DPP6: variants seen among roughly 807,000 people sequenced by gnomAD.
The protein encoded by DPP6 is A-type potassium channel modulatory protein DPP6.
A neutral mutation model predicts 122.6 loss-of-function variants in DPP6; 69 were observed. The observed-to-expected ratio is 0.56, with a 90% CI of 0.46 to 0.69. DPP6 has a LOEUF of 0.69. Ranked by LOEUF, DPP6 falls within the 30% of genes least tolerant of loss-of-function variation. The pLI, the probability that DPP6 is intolerant of heterozygous loss-of-function variation, is 0.00. For missense variants in DPP6, 928 were observed against 1,116.9 expected (o/e 0.83, Z 2.41); for synonymous variants, 418 against 433.1 (o/e 0.97, Z 0.43).
intron 3 of DPP6, among the ~76,000 whole-genome samples, chr7:154,504,300 T>G (rs1825495234): frequency 6.6e-6 from 1 of 152,196 alleles, no homozygotes; most frequent in African/African-American, 2.4e-5. Flanking sequence ...CAAATAAGCA[T>G]GAAGACAGTT....
chr7:154,414,444 A>G (rs1444650748), intron 1 of DPP6, among the ~76,000 whole-genome samples: 1 of 152,194 alleles, frequency 6.6e-6, no homozygotes, highest in Non-Finnish European at 1.5e-5. Flanking sequence ...TTGATCTCTT[A>G]TAGGATACAA....
chr7:154,442,410 C>T (rs1819458620), intron 1 of DPP6, among the ~76,000 whole-genome samples: 1 of 152,124 alleles, frequency 6.6e-6, no homozygotes, highest in African/African-American at 2.4e-5. Context: ...CCGGTGAAAC[C>T]AGGCAAGACT....
chr7:153,758,086 T>A, the DPP6 span, among the ~76,000 whole-genome samples: 3 of 152,234 alleles, frequency 2.0e-5, no homozygotes, highest in Non-Finnish European at 4.4e-5. Context: ...GGCCAGTAGA[T>A]GTCCTTTAGA....
intron 3 of DPP6, among the ~76,000 whole-genome samples, chr7:154,479,700 T>C (rs1218222372): frequency 6.6e-6 from 1 of 152,174 alleles, no homozygotes; most frequent in Non-Finnish European, 1.5e-5. Flanking sequence ...ATACCTGTTA[T>C]AACAACCGCA....
rs549395158 is a variant in DPP6, at chr7:154,227,625, A to G, written c.243+174562A>G. ...TCAAGCACCATGGCAGATGTATCTA[A>G]GAGGTCTTCCTCCTCTCACCCTGCC... On this transcript the variant is annotated intron_variant, in intron 1 of 25. Transcript: ENST00000377770. 2.6e-5 allele frequency among the ~76,000 whole-genome samples: 4 copies of G among 152,282 alleles called. No homozygotes were observed. The East Asian group carries it at 7.7e-4, about 29-fold the overall frequency.
chr7:153,989,158 T>C (rs1359161659), intron 1 of DPP6, among the ~76,000 whole-genome samples: 4 of 145,258 alleles, frequency 2.8e-5, no homozygotes, highest in Non-Finnish European at 6.0e-5. Flanking sequence ...GGTGTGAGTG[T>C]GGGTGAGCGT....
chr7:154,463,409 G>A (rs895488777), intron 2 of DPP6, among the ~76,000 whole-genome samples: 4 of 151,752 alleles, frequency 2.6e-5, no homozygotes, highest in Non-Finnish European at 4.4e-5. Context: ...GGGTTTCACC[G>A]TGTTAGCCAG....
chr7:154,563,428 C>T (rs897092269), intron 4 of DPP6, among the ~76,000 whole-genome samples: 2 of 152,064 alleles, frequency 1.3e-5, no homozygotes, highest in African/African-American at 2.4e-5. Context: ...CCCAGGGGAG[C>T]GATGTGATTT....
intron 17 of DPP6, among the ~76,000 whole-genome samples, chr7:154,862,623 G>A (rs969689644): frequency 1.3e-5 from 2 of 152,196 alleles, no homozygotes; most frequent in Admixed American, 6.5e-5. Flanking sequence ...AGCAGCTCTC[G>A]GTGCCTCGAG....
chr7:154,688,169 G>A (rs1267946692), intron 7 of DPP6, among the ~76,000 whole-genome samples: 1 of 152,134 alleles, frequency 6.6e-6, no homozygotes, highest in Non-Finnish European at 1.5e-5. Context: ...GTATATATGT[G>A]TCACTCATGC....
intron 1 of DPP6, among the ~76,000 whole-genome samples, chr7:154,219,657 G>T (rs1800193357): frequency 6.6e-6 from 1 of 151,796 alleles, no homozygotes; most frequent in African/African-American, 2.4e-5. Flanking sequence ...CATGATCTTG[G>T]CTCCTGCAAC....
chr7:154,623,460 C>T (rs141333879), intron 5 of DPP6, among the ~76,000 whole-genome samples: 226 of 152,282 alleles, frequency 1.5e-3, no homozygotes, highest in African/African-American at 4.8e-3. Flanking sequence ...GCTGAAAGAC[C>T]TTGAATATGA....
chr7:153,923,490 G>A lies in DPP6; in HGVS notation c.51+35756G>A, dbSNP rs1321606872. Among the ~76,000 whole-genome samples, 3 of 152,064 alleles carry A rather than the reference G, an allele frequency of 2.0e-5. No individual in the cohort carries two copies. The East Asian group carries it at 5.8e-4, about 29-fold the overall frequency. Reference sequence around the variant, plus strand: ...AGGTTCCTTCATCTTGGCCCGGCGTGGTGGCTCATGCCTGTAGTCCCAGCA... The same window carrying A: ...AGGTTCCTTCATCTTGGCCCGGCGTAGTGGCTCATGCCTGTAGTCCCAGCA... On this transcript the variant is annotated intron_variant, in intron 1 of 25. Transcript: ENST00000404039.
chr7:154,156,580 A>T (rs910629989), intron 1 of DPP6, among the ~76,000 whole-genome samples: 4 of 152,206 alleles, frequency 2.6e-5, no homozygotes, highest in Non-Finnish European at 5.9e-5. Context: ...AGGCTACATA[A>T]TCTTCATAGA....
chr7:154,705,524 T>G (rs1441387981), intron 7 of DPP6, among the ~76,000 whole-genome samples: 1 of 152,132 alleles, frequency 6.6e-6, no homozygotes, highest in Non-Finnish European at 1.5e-5. Context: ...CAAGAAGCAG[T>G]AGACTCTGAA....
chr7:153,938,563 G>T (rs186240654), intron 1 of DPP6, among the ~76,000 whole-genome samples: 49 of 152,310 alleles, frequency 3.2e-4, no homozygotes, highest in Admixed American at 2.2e-3. Context: ...GAAAACAGCC[G>T]AGTCAAGATT....
chr7:154,721,048 G>A (rs1250988479), intron 7 of DPP6, among the ~76,000 whole-genome samples: 1 of 152,250 alleles, frequency 6.6e-6, no homozygotes, highest in African/African-American at 2.4e-5. Context: ...TGGGTCTCAT[G>A]AGTGTGAGCT....
chr7:154,297,077 G>GT (rs11311031), intron 1 of DPP6, among the ~76,000 whole-genome samples: 30 of 143,292 alleles, frequency 2.1e-4, no homozygotes, highest in East Asian at 8.1e-4. Context: ...TTTTTTTTTT[G>GT]TTTTGTTTTT....
At chr7:154,510,427 C>T (rs955482535) in intron 3 of DPP6, among the ~76,000 whole-genome samples, 5 of 152,082 alleles carry the variant, frequency 3.3e-5, no homozygotes, top group East Asian at 1.9e-4. Context: ...GGACCAGGCA[C>T]GGTGGCTCAT....
Sources: gnomAD v4.1 joint callset for allele counts (sites outside exome capture counted in the v4.1 genomes callset) on GRCh38, gnomAD v4.1.1 for gene constraint, MANE v1.5 for transcripts, NCBI Gene and HGNC (gene_info 2026-07-23, HGNC 2026-07-21) for gene names.